NUP155: variants seen among roughly 807,000 people sequenced by gnomAD.
The protein encoded by NUP155 is nuclear pore complex protein Nup155.
Under a neutral mutation model 180.4 loss-of-function variants are expected in NUP155, and 71 were observed. The ratio of observed to expected loss-of-function variants is 0.39; its 90% CI spans 0.33 to 0.48. NUP155 has a LOEUF of 0.48. NUP155 is among the 20% of genes least tolerant of loss of function. The pLI, the probability that NUP155 is intolerant of heterozygous loss-of-function variation, is 0.91. For missense variants in NUP155, 1,553 were observed against 1,648.9 expected (o/e 0.94, Z 1.01); for synonymous variants, 582 against 559.5 (o/e 1.04, Z -0.57).
rs967396408 is a variant in NUP155, at chr5:37,344,797, G to A, written c.996-2151C>T. Among the ~76,000 whole-genome samples, 76 of 151,662 alleles carry A rather than the reference G, an allele frequency of 5.0e-4. 4 individuals carry two copies. Among genetic ancestry groups the A allele is most frequent in the Non-Finnish European group, 1.5e-5 (1 of 67,938 alleles). On this transcript the variant is annotated intron_variant, in intron 9 of 34. Coordinates refer to ENST00000231498, the MANE Select transcript of NUP155 (RefSeq NM_153485.3). ...CGAGGCAGGAGAACTGCTTGAACCC[G>A]GGAGGTGGAGGTTGCAGTGAGCCAA...
intron 11 of NUP155, among the ~76,000 whole-genome samples, chr5:37,339,103 T>A (rs1244770429): frequency 6.6e-6 from 1 of 152,064 alleles, no homozygotes. Flanking sequence ...GTGCTGTGGC[T>A]TATGCATGTA....
intron 32 of NUP155, among the ~76,000 whole-genome samples, chr5:37,296,680 G>T (rs1443435422): frequency 1.5e-5 from 2 of 130,488 alleles, no homozygotes; most frequent in Admixed American, 1.4e-4. Flanking sequence ...ACCCAAGAAT[G>T]ATCAATAAAA....
At chr5:37,361,587 T>G (rs938649500) in intron 3 of NUP155, among the ~76,000 whole-genome samples, 6 of 152,154 alleles carry the variant, frequency 3.9e-5, no homozygotes, top group Admixed American at 6.6e-5. Flanking sequence ...CTCTTGGAAC[T>G]ACGATCCAAT....
intron 18 of NUP155, chr5:37,327,289 T>C (rs1025722609): frequency 6.1e-6 from 2 of 330,514 alleles, no homozygotes; most frequent in African/African-American, 2.2e-5. Flanking sequence ...TTCTAGACAG[T>C]AGGCTATTAG....
intron 9 of NUP155, among the ~76,000 whole-genome samples, chr5:37,346,068 A>G (rs1746063356): frequency 6.6e-6 from 1 of 152,056 alleles, no homozygotes; most frequent in Non-Finnish European, 1.5e-5. Context: ...GTCACTGAAG[A>G]ATAAAACAAA....
intron 9 of NUP155, among the ~76,000 whole-genome samples, chr5:37,342,848 T>C (rs1745822415): frequency 6.6e-6 from 1 of 152,130 alleles, no homozygotes; most frequent in South Asian, 2.1e-4. Flanking sequence ...GCAATTCTCC[T>C]GCCTCAGCCT....
chr5:37,345,151 TA>T (rs1330184498), intron 9 of NUP155, among the ~76,000 whole-genome samples: 53 of 143,158 alleles, frequency 3.7e-4, no homozygotes, highest in Admixed American at 3.5e-4. Flanking sequence ...GCAGCAGAGT[TA>T]AAAAAAAAAA....
intron 25 of NUP155, 74 bp from the exon 26 acceptor site, chr5:37,305,284 G>A (rs1743090458): frequency 9.2e-6 from 12 of 1,305,332 alleles, no homozygotes; most frequent in South Asian, 2.4e-5. Flanking sequence ...GGTGACTCAC[G>A]CCTGTAATGC....
At position 37,301,525 on chromosome 5, in the gene NUP155, T is replaced by C. The variant is rs1742861938; in HGVS notation, c.3473A>G (p.Gln1158Arg). The part of the protein sequence containing the change: ...MEVARIQLQI[Q>R]ETLQRQYSHH... ...GGAATACTGCCTTTGTAGTGTCTCCTGTATCTGAAGTTGGATCCTAGCAAC... is the reference window on the plus strand; with the variant it reads ...GGAATACTGCCTTTGTAGTGTCTCCCGTATCTGAAGTTGGATCCTAGCAAC... Residue 1158 changes from glutamine (Q) to arginine (R), a missense_variant, in exon 30 of 35, where the codon CAG becomes CGG. Transcript: ENST00000231498. 1 of 1,613,026 alleles carries C rather than the reference T, an allele frequency of 6.2e-7. No individual in the cohort carries two copies. The highest frequency in any genetic ancestry group is 1.7e-5 in the Admixed American group (1 of 59,986).
At chr5:37,322,313 G>A (rs1744296038) in intron 20 of NUP155, among the ~76,000 whole-genome samples, 2 of 152,110 alleles carry the variant, frequency 1.3e-5, no homozygotes, top group African/African-American at 4.8e-5. Context: ...AGATTATACT[G>A]TAATACCTCG....
intron 4 of NUP155, among the ~76,000 whole-genome samples, chr5:37,354,415 G>A (rs1746673794): frequency 6.7e-6 from 1 of 150,252 alleles, no homozygotes; most frequent in Non-Finnish European, 1.5e-5. Flanking sequence ...AAAGTGCTGG[G>A]ATTACAGGCG....
At chr5:37,331,109 A>G (rs1025411608) in intron 14 of NUP155, among the ~76,000 whole-genome samples, 1 of 151,712 alleles carries the variant, frequency 6.6e-6, no homozygotes, top group African/African-American at 2.4e-5. Context: ...AGATCACGCC[A>G]CTGCACTCTA....
rs539617449 is a variant in NUP155 at position 37,358,691 on chromosome 5, C to T, written c.393-540G>A. Among the ~76,000 whole-genome samples, 3 of 152,150 alleles carry T rather than the reference C, an allele frequency of 2.0e-5. No homozygotes were observed. In the South Asian group the frequency reaches 6.2e-4, roughly 32 times the overall value. ...GGCTAGTGTTGAACTCCTGAATGCT[C>T]TTTATTAGTTAAATAAATTTAGACA... On this transcript the variant is annotated intron_variant, in intron 3 of 34. Transcript: ENST00000231498.
chr5:37,316,736 A>G (rs1437769111), intron 21 of NUP155, among the ~76,000 whole-genome samples: 1 of 149,942 alleles, frequency 6.7e-6, no homozygotes, highest in Non-Finnish European at 1.5e-5. Flanking sequence ...AAGTGCTGGG[A>G]TTACAGGTGA....
intron 1 of NUP155, among the ~76,000 whole-genome samples, chr5:37,368,495 A>T (rs1747751607): frequency 6.6e-6 from 1 of 152,058 alleles, no homozygotes; most frequent in African/African-American, 2.4e-5. Context: ...GGCCTCCCAA[A>T]GTGCTGAGAC....
chr5:37,341,111 G>C lies in NUP155; in HGVS notation c.1225C>G (p.His409Asp). 1 of 1,613,016 alleles carries C rather than the reference G, an allele frequency of 6.2e-7. No individual in the cohort carries two copies. Among genetic ancestry groups the C allele is most frequent in the South Asian group, 1.1e-5 (1 of 91,056 alleles). ...TTACCTTTACTATAAAGAGCTCTAT[G>C]TACTTTTGAAGGCTTTTCCACGGTT... ...SSTVEKPSKV[H>D]RALYSKGILL... Residue 409 changes from histidine to aspartate, a missense_variant, in exon 11 of 35, where the codon CAT (histidine) becomes GAT (aspartate). Physicochemically the swap from His to Asp is moderately conservative, Grantham distance 81. Transcript: ENST00000231498.
At chr5:37,311,663 A>ATT (rs113486759) in intron 22 of NUP155, among the ~76,000 whole-genome samples, 20 of 143,080 alleles carry the variant, frequency 1.4e-4, no homozygotes, top group South Asian at 4.5e-4. Context: ...AGGAAAAAGA[A>ATT]TTTTTTTTTT....
chr5:37,304,127 G>A (rs1743017121), intron 27 of NUP155, among the ~76,000 whole-genome samples: 1 of 151,526 alleles, frequency 6.6e-6, no homozygotes, highest in Non-Finnish European at 1.5e-5. Flanking sequence ...GCGGGTGCCT[G>A]TAATCCCAGC....
At chr5:37,347,577 T>A (rs1334296432) in intron 9 of NUP155, among the ~76,000 whole-genome samples, 1 of 150,226 alleles carries the variant, frequency 6.7e-6, no homozygotes, top group Admixed American at 6.7e-5. Flanking sequence ...ATGCCTGTAG[T>A]CCCAGCTACT....
Sources: gnomAD v4.1 joint callset for allele counts (sites outside exome capture counted in the v4.1 genomes callset) on GRCh38, gnomAD v4.1.1 for gene constraint, MANE v1.5 for transcripts, NCBI Gene and HGNC (gene_info 2026-07-23, HGNC 2026-07-21) for gene names.